The following WASF3 variants were observed in gnomAD, a reference collection of about 807,000 sequenced individuals.
WASF3 encodes the protein WASP family member 3.
Under a neutral mutation model 46.6 loss-of-function variants are expected in WASF3, and 11 were observed. The ratio of observed to expected loss-of-function variants is 0.24; its 90% confidence interval spans 0.15 to 0.39. WASF3 has a LOEUF of 0.39. WASF3 is among the 10% of genes least tolerant of loss of function. The probability of loss-of-function intolerance (pLI) is 1.00; values close to 1 mark genes in which losing one functional copy is unlikely to be tolerated. For synonymous variants in WASF3, 242 were observed against 259.7 expected (o/e 0.93, Z 0.65); for missense variants, 576 against 669.8 (o/e 0.86, Z 1.55).
intron 1 of WASF3, among the ~76,000 whole-genome samples, chr13:26,573,392 A>G (rs1218308051): frequency 1.3e-5 from 2 of 152,042 alleles, no homozygotes. Context: ...ACATAACATT[A>G]AGTTTATGGT....
intron 6 of WASF3, 65 bp from the exon 7 acceptor site, chr13:26,676,484 A>G (rs1883071342): frequency 6.4e-7 from 1 of 1,562,360 alleles, no homozygotes; most frequent in East Asian, 2.2e-5. Context: ...TTATAACTGC[A>G]TTTAACCAGC....
chr13:26,596,373 C>T (rs1335318193), intron 1 of WASF3, among the ~76,000 whole-genome samples: 22 of 150,244 alleles, frequency 1.5e-4, no homozygotes, highest in Non-Finnish European at 1.5e-5. Context: ...AGTTCTCTCT[C>T]TAGTTTTTTT....
At chr13:26,615,161 T>TA (rs979755745) in intron 2 of WASF3, among the ~76,000 whole-genome samples, 2 of 152,114 alleles carry the variant, frequency 1.3e-5, no homozygotes, top group African/African-American at 4.8e-5. Context: ...TTTATCATGA[T>TA]ATTTAGTCCT....
chr13:26,591,072 C>T (rs1880278287), intron 1 of WASF3, among the ~76,000 whole-genome samples: 1 of 150,898 alleles, frequency 6.6e-6, no homozygotes, highest in African/African-American at 2.4e-5. Flanking sequence ...GAGATGGTAG[C>T]AAGTGCAAAG....
At chr13:26,564,167 G>A (rs1879386333) in intron 1 of WASF3, among the ~76,000 whole-genome samples, 1 of 152,200 alleles carries the variant, frequency 6.6e-6, no homozygotes, top group African/African-American at 2.4e-5. Context: ...ACATGACCAA[G>A]CTGCTGCCCT....
intron 1 of WASF3, among the ~76,000 whole-genome samples, chr13:26,608,324 A>G (rs1424237964): frequency 6.6e-6 from 1 of 152,198 alleles, no homozygotes; most frequent in Non-Finnish European, 1.5e-5. Context: ...TTGAGTGAAT[A>G]AAGTACTCAA....
At chr13:26,610,312 G>C (rs1161358083) in intron 1 of WASF3, among the ~76,000 whole-genome samples, 1 of 152,178 alleles carries the variant, frequency 6.6e-6, no homozygotes, top group Non-Finnish European at 1.5e-5. Flanking sequence ...TCCAGCTGTA[G>C]CCACCTTCTC....
At chr13:26,671,529 C>T (rs901688242) in intron 5 of WASF3, among the ~76,000 whole-genome samples, 8 of 151,812 alleles carry the variant, frequency 5.3e-5, no homozygotes, top group Admixed American at 3.9e-4. Context: ...GTGTATGGCC[C>T]CATGTTGGAA....
At chr13:26,599,838 T>C (rs1880594984) in intron 1 of WASF3, among the ~76,000 whole-genome samples, 1 of 152,218 alleles carries the variant, frequency 6.6e-6, no homozygotes, top group South Asian at 2.1e-4. Flanking sequence ...TGTAATGTTA[T>C]AGAATGGAGG....
intron 6 of WASF3, among the ~76,000 whole-genome samples, chr13:26,675,601 A>G (rs1292882247): frequency 2.0e-5 from 3 of 148,534 alleles, no homozygotes; most frequent in Non-Finnish European, 4.5e-5. Context: ...TAGTACCTTT[A>G]TTTGTGTCCT....
In WASF3 at chr13:26,579,987, T is replaced by C. The variant is rs567422690; in HGVS notation, c.-109+22168T>C. On this transcript the variant is annotated intron_variant, in intron 1 of 9. Coordinates refer to ENST00000335327, the MANE Select transcript of WASF3 (RefSeq NM_006646.6). ...CAAATTTGTAAATTTTCTTAGAACATTACAAGATTTTTTTGTGATTTATTT... is the reference window on the plus strand; with the variant it reads ...CAAATTTGTAAATTTTCTTAGAACACTACAAGATTTTTTTGTGATTTATTT... 3.9e-5 allele frequency among the ~76,000 whole-genome samples: 6 copies of C among 152,340 alleles called. No homozygotes were observed. The East Asian group carries it at 1.2e-3, about 29-fold the overall frequency.
intron 2 of WASF3, among the ~76,000 whole-genome samples, chr13:26,635,245 A>G (rs988500807): frequency 5.3e-5 from 8 of 152,122 alleles, no homozygotes; most frequent in Middle Eastern, 3.2e-3. Context: ...TTGATCTTCA[A>G]TCACTGATAT....
At chr13:26,606,612 C>T (rs1244840781) in intron 1 of WASF3, 2 of 152,010 alleles carry the variant, frequency 1.3e-5, no homozygotes, top group African/African-American at 4.8e-5. Context: ...TTGCCTCAGC[C>T]TCCCAAAAGG....
Position 26,667,644 on chromosome 13 carries a change from G to T in WASF3, c.396G>T (p.Pro132=). Residue 132 remains proline, a synonymous_variant, in exon 5 of 10, where the codon CCG becomes CCT. Transcript: ENST00000335327. The part of the protein sequence containing the change: ...ADIYNQSDKP[P]PLNILTPYRD... ...TTTACAACCAGAGTGATAAGCCACC[G>T]CCTCTGAACATCCTGACACCATACA... is the stretch of plus-strand genomic sequence containing the variant. 1.2e-6 allele frequency: 2 copies of T among 1,613,938 alleles called. No homozygotes were observed. Among genetic ancestry groups the T allele is most frequent in the Non-Finnish European group, 1.7e-6 (2 of 1,179,944 alleles).
rs1160802695 is a variant in WASF3 at position 26,682,145 on chromosome 13, C to T, written c.984-462C>T. The stretch of plus-strand genomic sequence containing the variant: ...CAGATTTCTTGGCTGTGTGACTTTT[C>T]GAAGCTTTTGATACACACCTGGGCA... On this transcript the variant is annotated intron_variant, in intron 8 of 9. Coordinates refer to ENST00000335327, the MANE Select transcript of WASF3 (RefSeq NM_006646.6). The surrounding 1 kb of genome is among the most constrained non-coding windows in gnomAD (Gnocchi z 4.4). Among the ~76,000 whole-genome samples the T allele has an allele frequency of 6.6e-6, 1 of 152,162 alleles. No individual in the cohort carries two copies. Among genetic ancestry groups the T allele is most frequent in the African/African-American group, 2.4e-5 (1 of 41,434 alleles).
At position 26,686,895 on chromosome 13, in the gene WASF3, C is replaced by T. The variant is rs995605203; in HGVS notation, c.*1050C>T. 3.3e-5 allele frequency: 5 copies of T among 152,264 alleles called. No homozygotes were observed. In the South Asian group the frequency reaches 6.2e-4, roughly 19 times the overall value. The allele number at this position is 152,264 out of a possible 1,614,324, so 9.4% of individuals were successfully genotyped here. A position where few individuals can be genotyped will look rare whatever the true frequency, so the allele number is the denominator to read the frequency against. The stretch of plus-strand genomic sequence containing the variant: ...TTTAGGTGAAAGTAGATATTGACAG[C>T]TATTCACCTTTCACGGTGCTGGGGC... On this transcript the variant is annotated 3_prime_UTR_variant, in exon 10 of 10. Coordinates refer to ENST00000335327, the MANE Select transcript of WASF3 (RefSeq NM_006646.6).
chr13:26,600,656 C>T (rs574426782), intron 1 of WASF3, among the ~76,000 whole-genome samples: 6 of 152,316 alleles, frequency 3.9e-5, no homozygotes, highest in South Asian at 4.1e-4. Context: ...GGGGTGTCTC[C>T]GTTCTGCTGT....
rs1198171080 is a variant in WASF3, at chr13:26,688,735, T to C, written c.*2890T>C. On this transcript the variant is annotated 3_prime_UTR_variant, in exon 10 of 10. Transcript: ENST00000335327. The stretch of plus-strand genomic sequence containing the variant: ...AATCCATTAAAGACTAGTGGGAATG[T>C]ATCAGCCAGAGTAGCAAGTAATTTT... 6.6e-6 allele frequency: 1 copy of C among 152,254 alleles called. No homozygotes were observed. The allele number at this position is 152,254 out of a possible 1,614,324, so 9.4% of individuals were successfully genotyped here. A position where few individuals can be genotyped will look rare whatever the true frequency, so the allele number is the denominator to read the frequency against.
intron 3 of WASF3, among the ~76,000 whole-genome samples, chr13:26,650,902 C>T (rs531057609): frequency 2.0e-5 from 3 of 152,094 alleles, no homozygotes; most frequent in East Asian, 1.9e-4. Flanking sequence ...CATATCAAAT[C>T]GTCTGACACA....
Sources: gnomAD v4.1 joint callset for allele counts (sites outside exome capture counted in the v4.1 genomes callset) on GRCh38, gnomAD v4.1.1 for gene constraint, Gnocchi (gnomAD v3.1) non-coding constraint, MANE v1.5 for transcripts, NCBI Gene and HGNC (gene_info 2026-07-23, HGNC 2026-07-21) for gene names.